Variants in MBD5 observed in about 807,000 individuals in gnomAD.
The protein encoded by MBD5 is methyl-CpG binding domain protein 5.
A neutral mutation model predicts 117.3 loss-of-function variants in MBD5; 13 were observed. The observed-to-expected ratio is 0.11, with a 90% confidence interval of 0.07 to 0.18. The LOEUF (loss-of-function observed/expected upper bound fraction) is 0.18. Among genes scored for constraint, MBD5 ranks in the 10% least tolerant of loss-of-function variants. The pLI is 1.00. For missense variants in MBD5, 1,879 were observed against 2,093.8 expected (o/e 0.90, Z 2.00); for synonymous variants, 727 against 766.4 (o/e 0.95, Z 0.85).
At chr2:148,408,404 T>C (rs985226856) in intron 4 of MBD5, among the ~76,000 whole-genome samples, 1 of 152,236 alleles carries the variant, frequency 6.6e-6, no homozygotes, top group Non-Finnish European at 1.5e-5. Context: ...ACACAGCACA[T>C]TGATTTCTTC....
At position 148,483,716 on chromosome 2, in the gene MBD5, A is replaced by T; in HGVS notation, c.3125A>T (p.Asp1042Val). The stretch of plus-strand genomic sequence containing the variant: ...GACCATTTGCCAAGCAATCAGTCAG[A>T]CAACAGCCGAGCTGAGACCCTTTTA... ...PPDHLPSNQS[D>V]NSRAETLLTS... Residue 1042 changes from aspartate to valine, a missense_variant, in exon 9 of 14, where the codon GAC becomes GTC. Physicochemically the swap from Asp to Val is radical, Grantham distance 152. Around this residue, in one of 4 missense-constraint regions of MBD5, gnomAD observed 1,666 missense variants for 1,792.2 expected, o/e 0.93. Coordinates refer to ENST00000642680, the MANE Select transcript of MBD5 (RefSeq NM_001378120.1). The T allele has an allele frequency of 6.4e-7, 1 of 1,550,598 alleles. No homozygotes were observed. Among genetic ancestry groups the T allele is most frequent in the Non-Finnish European group, 8.7e-7 (1 of 1,146,976 alleles).
At chr2:148,202,413 A>G (rs1158644303) in intron 2 of MBD5, among the ~76,000 whole-genome samples, 1 of 152,116 alleles carries the variant, frequency 6.6e-6, no homozygotes, top group South Asian at 2.1e-4. Flanking sequence ...GCAGAATGGA[A>G]CAGCAAATGT....
intron 4 of MBD5, chr2:148,346,586 A>G (rs1027282366): frequency 1.3e-5 from 2 of 151,916 alleles, no homozygotes; most frequent in Non-Finnish European, 1.5e-5. Flanking sequence ...GAGCATGAGT[A>G]TCTTTTTATA....
At chr2:148,384,117 C>T (rs952943573) in intron 4 of MBD5, among the ~76,000 whole-genome samples, 5 of 151,940 alleles carry the variant, frequency 3.3e-5, no homozygotes, top group African/African-American at 7.3e-5. Flanking sequence ...CCAGGGCAAT[C>T]AGGCAGGAGA....
chr2:148,123,433 A>G (rs1198551027), intron 1 of MBD5, among the ~76,000 whole-genome samples: 2 of 152,306 alleles, frequency 1.3e-5, no homozygotes, highest in South Asian at 2.1e-4. Context: ...CTTTTTGGTG[A>G]CTGTTGACTG....
chr2:148,397,114 A>G (rs922710866), intron 4 of MBD5, among the ~76,000 whole-genome samples: 3 of 151,502 alleles, frequency 2.0e-5, no homozygotes, highest in African/African-American at 4.9e-5. Flanking sequence ...CTCTCTTTTC[A>G]CTCTTAAAAT....
chr2:148,107,755 A>G lies in MBD5; in HGVS notation c.-924-70945A>G, dbSNP rs16828245. The stretch of plus-strand genomic sequence containing the variant: ...TGTATGTATAGTGTGTAGTAATTCT[A>G]ATACCTCCATCTTCTTAGGATTGAT... On this transcript the variant is annotated intron_variant, in intron 1 of 13. Coordinates refer to ENST00000642680, the MANE Select transcript of MBD5 (RefSeq NM_001378120.1). Among the ~76,000 whole-genome samples, 1,387 of 152,196 alleles carry G rather than the reference A, an allele frequency of 9.1e-3. 14 individuals carry two copies. Among genetic ancestry groups the G allele is most frequent in the African/African-American group, 0.031 (1,289 of 41,548 alleles).
At chr2:148,255,251 G>C (rs907514394) in intron 3 of MBD5, among the ~76,000 whole-genome samples, 1 of 150,932 alleles carries the variant, frequency 6.6e-6, no homozygotes, top group Non-Finnish European at 1.5e-5. Context: ...TTCTGCCCTG[G>C]GCAGTCGTAC....
intron 1 of MBD5, among the ~76,000 whole-genome samples, chr2:148,032,827 C>A (rs1001336056): frequency 1.3e-5 from 2 of 151,988 alleles, no homozygotes; most frequent in South Asian, 4.2e-4. Context: ...ATAAGAAACC[C>A]TTTTAACAGA....
intron 3 of MBD5, among the ~76,000 whole-genome samples, chr2:148,261,410 C>G (rs1700729665): frequency 6.6e-6 from 1 of 152,224 alleles, no homozygotes; most frequent in African/African-American, 2.4e-5. Context: ...TCAGAACTTA[C>G]TGCTTCACTT....
At chr2:148,224,264 C>A (rs1257907836) in intron 2 of MBD5, among the ~76,000 whole-genome samples, 1 of 152,084 alleles carries the variant, frequency 6.6e-6, no homozygotes, top group Non-Finnish European at 1.5e-5. Context: ...TCCAATGTTG[C>A]TTTGTTGATT....
At chr2:148,106,125 T>A (rs1696366757) in intron 1 of MBD5, among the ~76,000 whole-genome samples, 1 of 151,998 alleles carries the variant, frequency 6.6e-6, no homozygotes. Context: ...GTTGATGCAG[T>A]TTTATATATA....
intron 2 of MBD5, among the ~76,000 whole-genome samples, chr2:148,230,203 A>G (rs534676223): frequency 9.9e-5 from 15 of 152,276 alleles, no homozygotes; most frequent in Admixed American, 7.2e-4. Context: ...CTAGAGTAAA[A>G]AAATCTCAGA....
At chr2:148,124,003 G>A (rs1235742783) in intron 1 of MBD5, among the ~76,000 whole-genome samples, 2 of 152,124 alleles carry the variant, frequency 1.3e-5, no homozygotes, top group African/African-American at 4.8e-5. Flanking sequence ...ATCACTGCAG[G>A]TCACTGTGGC....
intron 2 of MBD5, among the ~76,000 whole-genome samples, chr2:148,215,221 G>A (rs1345510480): frequency 6.6e-6 from 1 of 152,112 alleles, no homozygotes; most frequent in Non-Finnish European, 1.5e-5. Context: ...TACTCTGTGA[G>A]GGCAAAGACT....
chr2:148,154,713 C>T (rs1697817476), intron 1 of MBD5, among the ~76,000 whole-genome samples: 1 of 152,164 alleles, frequency 6.6e-6, no homozygotes, highest in South Asian at 2.1e-4. Context: ...GTCCGTCACC[C>T]CTTTCTTTGA....
chr2:148,396,865 C>T (rs1368960211), intron 4 of MBD5, among the ~76,000 whole-genome samples: 1 of 152,190 alleles, frequency 6.6e-6, no homozygotes, highest in Non-Finnish European at 1.5e-5. Flanking sequence ...CCAATATTGC[C>T]TGTGTCAGTT....
intron 3 of MBD5, among the ~76,000 whole-genome samples, chr2:148,269,883 C>A (rs1328631843): frequency 1.3e-5 from 2 of 151,504 alleles, no homozygotes; most frequent in East Asian, 3.9e-4. Context: ...CATATTTTAC[C>A]CACCCAGTGC....
At chr2:148,328,607 G>A (rs1395005993) in intron 3 of MBD5, among the ~76,000 whole-genome samples, 2 of 152,204 alleles carry the variant, frequency 1.3e-5, no homozygotes, top group Non-Finnish European at 1.5e-5. Flanking sequence ...CAATTTTCCA[G>A]GTGCCCTCTG....
Sources: gnomAD v4.1 joint callset for allele counts (sites outside exome capture counted in the v4.1 genomes callset) on GRCh38, gnomAD v4.1.1 for gene constraint, gnomAD v4.1.1 regional missense constraint, MANE v1.5 for transcripts, NCBI Gene and HGNC (gene_info 2026-07-23, HGNC 2026-07-21) for gene names.